Variants in COL4A4 observed in about 807,000 individuals in gnomAD.
COL4A4 encodes the protein collagen alpha-4(IV) chain.
Under a neutral mutation model 192.9 loss-of-function variants are expected in COL4A4, and 105 were observed. That is an observed-to-expected ratio of 0.54 (90% confidence interval 0.46 to 0.64). The LOEUF (loss-of-function observed/expected upper bound fraction) is 0.64, where lower values mean the gene tolerates loss of function less well. Among genes scored for constraint, COL4A4 ranks in the 30% least tolerant of loss-of-function variants. The pLI, the probability that COL4A4 is intolerant of heterozygous loss-of-function variation, is 0.00. For missense variants in COL4A4, 1,967 were observed against 2,169.3 expected, an observed-to-expected ratio of 0.91 and a Z score of 1.85; for synonymous variants, 762 against 769.9, an observed-to-expected ratio of 0.99 and a Z score of 0.17.
intron 7 of COL4A4, among the ~76,000 whole-genome samples, chr2:227,117,396 G>A (rs892749826): frequency 1.3e-5 from 2 of 152,184 alleles, no homozygotes; most frequent in African/African-American, 4.8e-5. Context: ...AAATGGCTGA[G>A]TTTGAAAGTA....
chr2:227,069,563 C>T (rs1471511915), intron 25 of COL4A4, among the ~76,000 whole-genome samples: 23 of 152,032 alleles, frequency 1.5e-4, no homozygotes, highest in South Asian at 6.2e-4. Context: ...GAAATAACGC[C>T]GCATATCTAC....
rs1318656406 is a variant in COL4A4 at position 227,068,722 on chromosome 2, T to C, written c.1988-6124A>G. Among the ~76,000 whole-genome samples the C allele has an allele frequency of 3.3e-5, 5 of 149,988 alleles. No individual in the cohort carries two copies. In the East Asian group the frequency reaches 7.8e-4, roughly 23 times the overall value. On this transcript the variant is annotated intron_variant, in intron 25 of 47. Transcript: ENST00000396625. ...GGTATTGATGGGACATATTTCAAAA[T>C]AATAAGAGCTATCTATGACAAACCC...
chr2:227,111,564 T>C, intron 9 of COL4A4, 114 bp downstream of exon 9: 6 of 1,137,596 alleles, frequency 5.3e-6, no homozygotes, highest in Non-Finnish European at 8.0e-6. Flanking sequence ...CACATTTTCA[T>C]TTTGCACTAG....
intron 28 of COL4A4, among the ~76,000 whole-genome samples, 193 bp from the exon 29 acceptor site, chr2:227,057,793 T>C (rs1199323777): frequency 2.6e-5 from 4 of 152,234 alleles, no homozygotes; most frequent in Non-Finnish European, 4.4e-5. Flanking sequence ...AAACAACGCA[T>C]TGCTAAGTGA....
At chr2:227,057,677 A>G (rs1030405992) in intron 28 of COL4A4, 77 bp from the exon 29 acceptor site, 26 of 1,430,314 alleles carry the variant, frequency 1.8e-5, no homozygotes, top group Non-Finnish European at 2.4e-5. Context: ...GTTCACGCAT[A>G]TCAATACTGG....
chr2:227,161,201 A>G (rs978286299), intron 1 of COL4A4, among the ~76,000 whole-genome samples: 1 of 152,238 alleles, frequency 6.6e-6, no homozygotes, highest in Non-Finnish European at 1.5e-5. Flanking sequence ...CATTCATTCA[A>G]CATCAGTAAA....
chr2:227,076,947 T>TA (rs2059056473), intron 25 of COL4A4, among the ~76,000 whole-genome samples: 1 of 152,198 alleles, frequency 6.6e-6, no homozygotes, highest in Admixed American at 6.5e-5. Context: ...AGATACCATC[T>TA]CACGGCAGTT....
intron 12 of COL4A4, among the ~76,000 whole-genome samples, chr2:227,105,932 T>C (rs921357132): frequency 1.3e-5 from 2 of 152,036 alleles, no homozygotes; most frequent in Non-Finnish European, 2.9e-5. Context: ...ATAGATAATA[T>C]ACATAAAATG....
chr2:226,971,532 CTT>C, the COL4A4 span, among the ~76,000 whole-genome samples: 1 of 152,176 alleles, frequency 6.6e-6, no homozygotes, highest in Non-Finnish European at 1.5e-5. Context: ...GCTTATTTGA[CTT>C]TTGATAAGTT....
intron 9 of COL4A4, among the ~76,000 whole-genome samples, chr2:227,109,745 CAA>C (rs1354853344): frequency 1.8e-4 from 18 of 100,062 alleles, no homozygotes; most frequent in Admixed American, 4.4e-4. Context: ...GACTCTGTCT[CAA>C]AAAAAAAAAA....
chr2:227,122,791 C>T (rs77413756), intron 4 of COL4A4, among the ~76,000 whole-genome samples: 3,584 of 152,196 alleles, frequency 0.024, 124 homozygotes, highest in African/African-American at 0.08. Flanking sequence ...AGCACCTTGA[C>T]GAGAAGAAAC....
chr2:227,041,848 G>GAGAGAGAGAGAGAGAA (rs1971305412), intron 37 of COL4A4, among the ~76,000 whole-genome samples: 12 of 38,734 alleles, frequency 3.1e-4, no homozygotes, highest in African/African-American at 3.7e-4. Context: ...AAGAAAGAAA[G>GAGAGAGAGAGAGAGAA]AGAAAGAAAG....
chr2:227,067,183 T>C (rs1469411923), intron 25 of COL4A4, among the ~76,000 whole-genome samples: 1 of 152,124 alleles, frequency 6.6e-6, no homozygotes, highest in African/African-American at 2.4e-5. Context: ...TAAATATATA[T>C]GCACCCAATA....
chr2:227,010,303 G>A lies in COL4A4; in HGVS notation c.4522+10C>T, dbSNP rs1342822592. 5.0e-6 allele frequency: 8 copies of A among 1,614,058 alleles called. No homozygotes were observed. The highest frequency in any genetic ancestry group is 6.8e-6 in the Non-Finnish European group (8 of 1,179,984). ...TCAGGCAATGGAGATGGGCGATCCT[G>A]TATCCATACCAAGGTCTTGATTGTG... On this transcript the variant is annotated intron_variant, in intron 46 of 47. Transcript: ENST00000396625.
chr2:227,007,397 T>TAC lies in COL4A4; in HGVS notation c.5000_5001insGT (p.Asp1668Ter). On this transcript the variant is annotated frameshift_variant, in exon 48 of 48. Transcript: ENST00000396625. LOFTEE classifies it high-confidence loss of function. Reference sequence around the variant, plus strand: ...GGGCCTGGCTTTCTTTTAAGGTGTCTGGTGCTGGAGCAGAGGAAAACTGCA... The same window carrying TAC: ...GGGCCTGGCTTTCTTTTAAGGTGTCTACGGTGCTGGAGCAGAGGAAAACTGCA... The TAC allele has an allele frequency of 1.9e-6, 3 of 1,614,260 alleles. No individual in the cohort carries two copies. The highest frequency in any genetic ancestry group is 2.5e-6 in the Non-Finnish European group (3 of 1,180,048).
intron 25 of COL4A4, among the ~76,000 whole-genome samples, chr2:227,065,452 G>C (rs1042147478): frequency 6.6e-6 from 1 of 152,354 alleles, no homozygotes; most frequent in Non-Finnish European, 1.5e-5. Flanking sequence ...AAAGACAGCA[G>C]TAACCTCTGC....
At chr2:226,976,640 C>T in the COL4A4 span, among the ~76,000 whole-genome samples, 1 of 152,044 alleles carries the variant, frequency 6.6e-6, no homozygotes, top group Non-Finnish European at 1.5e-5. Flanking sequence ...GACCCCAGTC[C>T]AACTTCACAC....
At chr2:226,974,277 G>T in the COL4A4 span, among the ~76,000 whole-genome samples, 1 of 149,914 alleles carries the variant, frequency 6.7e-6, no homozygotes, top group African/African-American at 2.5e-5. Flanking sequence ...TCGCTCTGTC[G>T]CCCAGGCTGG....
intron 7 of COL4A4, among the ~76,000 whole-genome samples, chr2:227,115,599 C>A (rs528392143): frequency 1.3e-4 from 20 of 152,126 alleles, no homozygotes; most frequent in Non-Finnish European, 2.8e-4. Flanking sequence ...TATATCTTCT[C>A]TTGGTTACCA....
Sources: gnomAD v4.1 joint callset for allele counts (sites outside exome capture counted in the v4.1 genomes callset) on GRCh38, gnomAD v4.1.1 for gene constraint, MANE v1.5 for transcripts, NCBI Gene and HGNC (gene_info 2026-07-23, HGNC 2026-07-21) for gene names.